Variants in B3GLCT observed in about 807,000 individuals in gnomAD.
The protein encoded by B3GLCT is beta-1,3-glucosyltransferase.
In B3GLCT, 65 loss-of-function variants were observed where a neutral mutation model predicts 63.4. The observed-to-expected ratio is 1.03, with a 90% confidence interval of 0.84 to 1.26. The LOEUF (loss-of-function observed/expected upper bound fraction) is 1.26. Ranked by LOEUF, B3GLCT falls within the 50% of genes most tolerant of loss-of-function variation. The pLI is 0.00. For synonymous variants in B3GLCT, 233 were observed against 219.2 expected, an observed-to-expected ratio of 1.06 and a Z score of -0.55; for missense variants, 577 against 604.8, an observed-to-expected ratio of 0.95 and a Z score of 0.48.
At chr13:31,283,650 A>G (rs1337265412) in intron 10 of B3GLCT, among the ~76,000 whole-genome samples, 2 of 151,872 alleles carry the variant, frequency 1.3e-5, no homozygotes, top group Non-Finnish European at 2.9e-5. Flanking sequence ...GCACTTCTGT[A>G]TTTTCTATAT....
At chr13:31,248,277 G>A (rs138855143) in intron 6 of B3GLCT, among the ~76,000 whole-genome samples, 5 of 152,296 alleles carry the variant, frequency 3.3e-5, no homozygotes, top group African/African-American at 1.2e-4. Flanking sequence ...AACTTAAGTT[G>A]GCTATTTCTG....
In B3GLCT at chr13:31,288,405, A is replaced by G. The variant is rs182460523; in HGVS notation, c.1064+1586A>G. 9.9e-5 allele frequency among the ~76,000 whole-genome samples: 15 copies of G among 152,276 alleles called. No homozygotes were observed. In the East Asian group the frequency reaches 2.3e-3, roughly 23 times the overall value. On this transcript the variant is annotated intron_variant, in intron 12 of 14. Coordinates refer to ENST00000343307, the MANE Select transcript of B3GLCT (RefSeq NM_194318.4). ...CACCTAGCCCACTGCTCTCATTACT[A>G]GCTTCTAAGCAAGCAGTTCACCTGC... is the stretch of plus-strand genomic sequence containing the variant.
chr13:31,228,971 G>C (rs967964557), intron 3 of B3GLCT, among the ~76,000 whole-genome samples: 1 of 152,192 alleles, frequency 6.6e-6, no homozygotes, highest in Non-Finnish European at 1.5e-5. Flanking sequence ...GGTACAGTCA[G>C]CTTATTTACT....
At position 31,199,980 on chromosome 13, in the gene B3GLCT, A is replaced by T; in HGVS notation, c.-105A>T. ...GAGGGAGGAGGGGAGCCGGCAGAGA[A>T]GGGTCAGCCGCGGCGGCAGGGCGGC... On this transcript the variant is annotated 5_prime_UTR_variant, in exon 1 of 15. In the 5' UTR this introduces an upstream ATG that the reference lacks. Coordinates refer to ENST00000343307, the MANE Select transcript of B3GLCT (RefSeq NM_194318.4). 1.6e-6 allele frequency: 1 copy of T among 619,046 alleles called. No individual in the cohort carries two copies. The highest frequency in any genetic ancestry group is 2.2e-6 in the Non-Finnish European group (1 of 451,750). 38.3% of individuals were successfully genotyped at this position (619,046 alleles called of 1,614,324 possible).
intron 6 of B3GLCT, among the ~76,000 whole-genome samples, chr13:31,251,227 C>G (rs1031277012): frequency 1.3e-5 from 2 of 152,174 alleles, no homozygotes; most frequent in African/African-American, 2.4e-5. Context: ...ACTTCAAAGA[C>G]CAAACGTAGA....
intron 1 of B3GLCT, among the ~76,000 whole-genome samples, chr13:31,210,837 T>C (rs1470030197): frequency 6.6e-6 from 1 of 152,170 alleles, no homozygotes; most frequent in Non-Finnish European, 1.5e-5. Flanking sequence ...CTGGAACTTT[T>C]GGATACAAGG....
chr13:31,243,368 T>C (rs1053896965), intron 4 of B3GLCT, among the ~76,000 whole-genome samples: 3 of 152,236 alleles, frequency 2.0e-5, no homozygotes, highest in African/African-American at 7.2e-5. Flanking sequence ...AGTTTAATTG[T>C]TGAATTATTT....
At chr13:31,309,443 C>T (rs1874587920) in intron 12 of B3GLCT, among the ~76,000 whole-genome samples, 1 of 152,200 alleles carries the variant, frequency 6.6e-6, no homozygotes, top group Admixed American at 6.5e-5. Context: ...CGGCTCAGTC[C>T]CCAAGACTGC....
At chr13:31,229,872 A>G (rs1453910327) in intron 4 of B3GLCT, among the ~76,000 whole-genome samples, 1 of 150,776 alleles carries the variant, frequency 6.6e-6, no homozygotes, top group Non-Finnish European at 1.5e-5. Context: ...AGAGAACTAT[A>G]TAATTGTGTG....
At chr13:31,217,579 C>T (rs962111185) in intron 2 of B3GLCT, among the ~76,000 whole-genome samples, 6 of 152,136 alleles carry the variant, frequency 3.9e-5, no homozygotes, top group Non-Finnish European at 8.8e-5. Flanking sequence ...TTAGGTTTTA[C>T]ATGTAAGTCT....
At chr13:31,265,276 A>G (rs1360409236) in intron 7 of B3GLCT, among the ~76,000 whole-genome samples, 2 of 152,226 alleles carry the variant, frequency 1.3e-5, no homozygotes, top group Admixed American at 6.5e-5. Flanking sequence ...CAGAGTAATC[A>G]ATCTCTGACT....
rs373304689 is a variant in B3GLCT at position 31,266,146 on chromosome 13, C to T, written c.597-3068C>T. 5.3e-5 allele frequency among the ~76,000 whole-genome samples: 8 copies of T among 152,036 alleles called. No homozygotes were observed. The South Asian group carries it at 6.2e-4, about 12-fold the overall frequency. ...CCGAGTAGCTGGGACTGCAGGTGCCCGCCACCACACCCGCCTAATATTTTT... is the reference window on the plus strand; with the variant it reads ...CCGAGTAGCTGGGACTGCAGGTGCCTGCCACCACACCCGCCTAATATTTTT... On this transcript the variant is annotated intron_variant, in intron 7 of 14. Coordinates refer to ENST00000343307, the MANE Select transcript of B3GLCT (RefSeq NM_194318.4).
intron 14 of B3GLCT, among the ~76,000 whole-genome samples, chr13:31,326,275 CTTTTTT>C (rs11415456): frequency 6.6e-5 from 5 of 75,910 alleles, no homozygotes; most frequent in African/African-American, 1.1e-4. Context: ...AGGTCTTTCC[CTTTTTT>C]TTTTTTTTTT....
chr13:31,322,335 G>A (rs566245438), intron 13 of B3GLCT, among the ~76,000 whole-genome samples: 2 of 152,352 alleles, frequency 1.3e-5, no homozygotes, highest in South Asian at 2.1e-4. Context: ...TTCCTACATC[G>A]TCTTGATCTG....
intron 6 of B3GLCT, among the ~76,000 whole-genome samples, chr13:31,255,085 G>A (rs925922985): frequency 2.6e-4 from 39 of 149,772 alleles, no homozygotes; most frequent in Non-Finnish European, 4.1e-4. Flanking sequence ...AGCTCCTTAA[G>A]CTGATAAGCA....
intron 12 of B3GLCT, among the ~76,000 whole-genome samples, chr13:31,288,506 A>T (rs959960558): frequency 6.6e-6 from 1 of 152,206 alleles, no homozygotes; most frequent in Non-Finnish European, 1.5e-5. Context: ...AAAAACAGGC[A>T]TATTCACCCT....
At chr13:31,317,729 T>G in intron 13 of B3GLCT, 44 bp downstream of exon 13, 1 of 1,612,034 alleles carries the variant, frequency 6.2e-7, no homozygotes, top group Non-Finnish European at 8.5e-7. Context: ...AAACATAAAC[T>G]TCCCTTTCCA....
chr13:31,202,241 TA>T (rs1486903879), intron 1 of B3GLCT, among the ~76,000 whole-genome samples: 1 of 152,222 alleles, frequency 6.6e-6, no homozygotes, highest in Non-Finnish European at 1.5e-5. Flanking sequence ...GAAAAGTCAA[TA>T]TAGAAAATTT....
chr13:31,250,759 G>T (rs1399421120), intron 6 of B3GLCT, among the ~76,000 whole-genome samples: 1 of 152,236 alleles, frequency 6.6e-6, no homozygotes, highest in Admixed American at 6.5e-5. Context: ...CAGAGAACCT[G>T]GGGGAAGGGG....
Sources: allele counts gnomAD v4.1 joint callset (sites outside exome capture counted in the v4.1 genomes callset), GRCh38; gene constraint gnomAD v4.1.1; transcripts MANE v1.5; gene names NCBI Gene and HGNC (gene_info 2026-07-23, HGNC 2026-07-21).